The following PDIA4 variants were observed in gnomAD, a reference collection of about 807,000 sequenced individuals.
PDIA4 encodes protein disulfide-isomerase A4.
PDIA4 carries 33 observed loss-of-function variants against 62.1 expected under a neutral mutation model. That is an observed-to-expected ratio of 0.53 (90% CI 0.40 to 0.71). PDIA4 has a LOEUF of 0.71. Among genes scored for constraint, PDIA4 ranks in the 30% least tolerant of loss-of-function variants. The pLI, the probability that PDIA4 is intolerant of heterozygous loss-of-function variation, is 0.00. For synonymous variants in PDIA4, 341 were observed against 324.1 expected (o/e 1.05, Z -0.56); for missense variants, 804 against 813.6 (o/e 0.99, Z 0.14).
At chr7:149,022,903 AC>A (rs1171684457) in intron 1 of PDIA4, among the ~76,000 whole-genome samples, 3 of 152,144 alleles carry the variant, frequency 2.0e-5, no homozygotes, top group Non-Finnish European at 2.9e-5. Context: ...CACACTAGTC[AC>A]CCGCACTCAG....
rs999244787 is a variant in PDIA4 at position 149,004,172 on chromosome 7, G to A, written c.1560C>T (p.Pro520=). ...LKPVIKSQPV[P]KNNKGPVKVV... is the part of the protein sequence containing the mutation. The stretch of plus-strand genomic sequence containing the variant: ...CCTTGACGGGTCCCTTGTTGTTCTT[G>A]GGCACTGGCTGGGATTTGATGACTG... Residue 520 remains proline, a synonymous_variant, in exon 10 of 10, where the codon CCC becomes CCT. Transcript: ENST00000652332. The A allele has an allele frequency of 1.3e-5, 21 of 1,613,674 alleles. No homozygotes were observed. The Admixed American group carries it at 2.5e-4, about 19-fold the overall frequency.
chr7:149,009,298 T>C (rs1325764947), intron 6 of PDIA4, among the ~76,000 whole-genome samples: 1 of 151,886 alleles, frequency 6.6e-6, no homozygotes, highest in Non-Finnish European at 1.5e-5. Flanking sequence ...ATAAAATAAA[T>C]AACAACAACA....
intron 6 of PDIA4, among the ~76,000 whole-genome samples, chr7:149,008,876 C>T (rs1823849162): frequency 6.6e-6 from 1 of 152,174 alleles, no homozygotes; most frequent in African/African-American, 2.4e-5. Context: ...CCTGTAATCT[C>T]AGCACTTTGT....
At chr7:149,021,193 T>C (rs778797035) in intron 1 of PDIA4, 46 bp from the exon 2 acceptor site, 8 of 1,536,078 alleles carry the variant, frequency 5.2e-6, no homozygotes, top group Non-Finnish European at 5.3e-6. Context: ...GTGGTGACTC[T>C]CCTTAAAACT....
At chr7:149,012,577 T>C (rs1823986294) in intron 4 of PDIA4, among the ~76,000 whole-genome samples, 1 of 151,644 alleles carries the variant, frequency 6.6e-6, no homozygotes, top group Non-Finnish European at 1.5e-5. Context: ...ACACTGGGGG[T>C]GGAGCATGCG....
chr7:149,011,944 T>C lies in PDIA4; in HGVS notation c.881A>G (p.Lys294Arg). Residue 294 changes from lysine (K) to arginine (R), a missense_variant, in exon 6 of 10, where the codon AAG becomes AGG. Transcript: ENST00000652332. ...ATCCTTCAGGAACTCCTGGACCTGC[T>C]TCAGGGTCAGAATCTCCTTGGAGGG... The part of the protein sequence containing the change: ...GPPSKEILTL[K>R]QVQEFLKDGD... 6.2e-7 allele frequency: 1 copy of C among 1,610,176 alleles called. No homozygotes were observed. Among genetic ancestry groups the C allele is most frequent in the Non-Finnish European group, 8.5e-7 (1 of 1,177,866 alleles).
Position 149,011,894 on chromosome 7 carries a change from C to A in PDIA4, c.931G>T (p.Val311Phe), listed in dbSNP as rs1211118958. Residue 311 changes from valine (V) to phenylalanine (F), a missense_variant, in exon 6 of 10, where the codon GTC becomes TTC. By Grantham distance (50) the Val-to-Phe change is conservative. Coordinates refer to ENST00000652332, the MANE Select transcript of PDIA4 (RefSeq NM_004911.5). ...GCTGGGTCACTCTCCCCCTTAAAGA[C>A]CCCGATGATGATGACATCGTCTCCA... ...KDGDDVIIIGVFKGESDPAYQ... is the reference protein window; with the variant it reads ...KDGDDVIIIGFFKGESDPAYQ... 1 of 1,604,660 alleles carries A rather than the reference C, an allele frequency of 6.2e-7. No individual in the cohort carries two copies.
Position 149,011,933 on chromosome 7 carries a change from C to T in PDIA4, c.892G>A (p.Glu298Lys). The T allele has an allele frequency of 6.2e-7, 1 of 1,610,308 alleles. No individual in the cohort carries two copies. Among genetic ancestry groups the T allele is most frequent in the East Asian group, 2.2e-5 (1 of 44,826 alleles). Residue 298 changes from glutamate to lysine, a missense_variant, in exon 6 of 10, where the codon GAG (glutamate) becomes AAG (lysine). Physicochemically the swap from Glu to Lys is moderately conservative, Grantham distance 56 (BLOSUM62 1). Coordinates refer to ENST00000652332, the MANE Select transcript of PDIA4 (RefSeq NM_004911.5). ...KEILTLKQVQEFLKDGDDVII... is the reference protein window; with the variant it reads ...KEILTLKQVQKFLKDGDDVII... ...ACATCGTCTCCATCCTTCAGGAACT[C>T]CTGGACCTGCTTCAGGGTCAGAATC... is the stretch of plus-strand genomic sequence containing the variant.
chr7:149,015,828 C>A (rs1403616277), intron 3 of PDIA4, among the ~76,000 whole-genome samples: 1 of 152,254 alleles, frequency 6.6e-6, no homozygotes, highest in African/African-American at 2.4e-5. Context: ...GTGTCTGTGC[C>A]CTGCCCCCCA....
chr7:149,015,480 A>G (rs1824097935), intron 3 of PDIA4, among the ~76,000 whole-genome samples: 1 of 140,222 alleles, frequency 7.1e-6, no homozygotes, highest in Admixed American at 7.7e-5. Flanking sequence ...TACATACGTC[A>G]TAAGATGTAT....
intron 6 of PDIA4, 132 bp downstream of exon 6, chr7:149,011,714 G>A: frequency 2.9e-6 from 2 of 696,764 alleles, no homozygotes; most frequent in Non-Finnish European, 4.5e-6. Flanking sequence ...CCCCAGAATG[G>A]AAAGCTTATT....
intron 4 of PDIA4, among the ~76,000 whole-genome samples, chr7:149,012,970 G>A (rs141535086): frequency 6.6e-5 from 10 of 152,240 alleles, no homozygotes; most frequent in East Asian, 3.9e-4. Flanking sequence ...AGAACTGGCC[G>A]GGCGCAGTGG....
rs757274292 is a variant in PDIA4, at chr7:149,005,268, C to G, written c.1395G>C (p.Leu465=). Residue 465 remains leucine, a synonymous_variant, in exon 9 of 10, where the codon CTG becomes CTC. Transcript: ENST00000652332. ...CATCCTCCCCACTCTCGCTGAGCCC[C>G]AGGTCCTTCACCTCCCCAGCATAGT... ...EEDYAGEVKD[L]GLSESGEDVN... is the part of the protein sequence containing the mutation. 71 of 1,614,054 alleles carry G rather than the reference C, an allele frequency of 4.4e-5. No individual in the cohort carries two copies. The highest frequency in any genetic ancestry group is 1.6e-4 in the Middle Eastern group (1 of 6,084).
At chr7:149,016,633 C>T (rs890919529) in intron 3 of PDIA4, among the ~76,000 whole-genome samples, 22 of 152,168 alleles carry the variant, frequency 1.4e-4, no homozygotes, top group African/African-American at 5.1e-4. Context: ...ATTCTCCTGC[C>T]TCAGCCTCCT....
At position 149,011,886 on chromosome 7, in the gene PDIA4, C is replaced by A. The variant is rs991707916; in HGVS notation, c.939G>T (p.Lys313Asn). The A allele has an allele frequency of 7.6e-5, 122 of 1,600,202 alleles. No homozygotes were observed. The highest frequency in any genetic ancestry group is 1.0e-4 in the Non-Finnish European group (118 of 1,172,780). ...GDDVIIIGVF[K>N]GESDPAYQQY... ...GCTGGTAGGCTGGGTCACTCTCCCCCTTAAAGACCCCGATGATGATGACAT... is the reference window on the plus strand; with the variant it reads ...GCTGGTAGGCTGGGTCACTCTCCCCATTAAAGACCCCGATGATGATGACAT... Residue 313 changes from lysine to asparagine, a missense_variant, in exon 6 of 10, where the codon AAG (lysine) becomes AAT (asparagine). Physicochemically the swap from Lys to Asn is moderately conservative, Grantham distance 94 (BLOSUM62 0). Coordinates refer to ENST00000652332, the MANE Select transcript of PDIA4 (RefSeq NM_004911.5).
intron 1 of PDIA4, 54 bp from the exon 2 acceptor site, chr7:149,021,201 A>G (rs1585428741): frequency 6.5e-7 from 1 of 1,531,264 alleles, no homozygotes; most frequent in Non-Finnish European, 8.8e-7. Flanking sequence ...TCTCCTTAAA[A>G]CTTTCCTGGC....
At chr7:149,025,314 A>G (rs1824513913) in intron 1 of PDIA4, among the ~76,000 whole-genome samples, 1 of 152,056 alleles carries the variant, frequency 6.6e-6, no homozygotes, top group South Asian at 2.1e-4. Flanking sequence ...CTGCTCAGAC[A>G]CAGGCAGCTC....
At chr7:149,026,039 G>A (rs1194035625) in intron 1 of PDIA4, among the ~76,000 whole-genome samples, 1 of 151,876 alleles carries the variant, frequency 6.6e-6, no homozygotes, top group African/African-American at 2.4e-5. Context: ...GGGCATTTAA[G>A]TACCTAGACA....
Position 149,012,335 on chromosome 7 carries a change from G to A in PDIA4, c.640C>T (p.Pro214Ser), listed in dbSNP as rs558794904. The change falls in exon 5 of 10, where the codon CCC (proline) becomes TCC (serine). Residue 214 changes from proline (P) to serine (S), a missense_variant. Physicochemically the swap from Pro to Ser is moderately conservative, Grantham distance 74. Coordinates refer to ENST00000652332, the MANE Select transcript of PDIA4 (RefSeq NM_004911.5). ...TCCTTGGCGGCCTTCTCATACTCGGGGGCAAGTTTCTTGCAGTGTCCACAC... is the reference window on the plus strand; with the variant it reads ...TCCTTGGCGGCCTTCTCATACTCGGAGGCAAGTTTCTTGCAGTGTCCACAC... ...PWCGHCKKLA[P>S]EYEKAAKELS... 1.2e-6 allele frequency: 2 copies of A among 1,613,542 alleles called. No homozygotes were observed. The highest frequency in any genetic ancestry group is 1.7e-6 in the Non-Finnish European group (2 of 1,180,022).
Sources: gnomAD v4.1 joint callset for allele counts (sites outside exome capture counted in the v4.1 genomes callset) on GRCh38, gnomAD v4.1.1 for gene constraint, MANE v1.5 for transcripts, NCBI Gene and HGNC (gene_info 2026-07-23, HGNC 2026-07-21) for gene names.